The following GRID1 variants were observed in gnomAD, a reference collection of about 807,000 sequenced individuals.
GRID1 encodes glutamate receptor ionotropic, delta-1.
In GRID1, 28 loss-of-function variants were observed where a neutral mutation model predicts 98.0. The ratio of observed to expected loss-of-function variants is 0.29; its 90% CI spans 0.21 to 0.39. The LOEUF is 0.39. Ranked by LOEUF, GRID1 falls within the 10% of genes least tolerant of loss-of-function variation. GRID1 has a pLI of 1.00. For synonymous variants in GRID1, 553 were observed against 538.5 expected, an observed-to-expected ratio of 1.03 and a Z score of -0.37; for missense variants, 1,111 against 1,340.5, an observed-to-expected ratio of 0.83 and a Z score of 2.67.
chr10:85,751,692 T>G (rs556809021), intron 8 of GRID1, among the ~76,000 whole-genome samples: 1 of 152,278 alleles, frequency 6.6e-6, no homozygotes, highest in Non-Finnish European at 1.5e-5. Context: ...ACATTTAATA[T>G]TATACATGTG....
chr10:85,648,871 G>A (rs1843230177), intron 12 of GRID1, among the ~76,000 whole-genome samples: 1 of 152,196 alleles, frequency 6.6e-6, no homozygotes, highest in Non-Finnish European at 1.5e-5. Context: ...AGAGGGCCAT[G>A]TGCCAGAGCA....
rs763306487 is a variant in GRID1 at position 85,613,408 on chromosome 10, T to A, written c.2600A>T (p.Glu867Val). 2 of 1,611,796 alleles carry A rather than the reference T, an allele frequency of 1.2e-6. No homozygotes were observed. The highest frequency in any genetic ancestry group is 8.5e-7 in the Non-Finnish European group (1 of 1,179,164). The change falls in exon 15 of 16, where the codon GAG becomes GTG. Residue 867 changes from glutamate (E) to valine (V), a missense_variant and splice_region_variant. Physicochemically the swap from Glu to Val is moderately radical, Grantham distance 121 (BLOSUM62 -2). This residue lies in a region of GRID1 where 762 missense variants were observed against 869.1 expected (regional missense o/e 0.88). Coordinates refer to ENST00000327946, the MANE Select transcript of GRID1 (RefSeq NM_017551.3). ...GAGGGCAGGCCCCAGGGTGCTGACC[T>A]CCTTGGGGGTCTCCTGGTGGCACCG... ...SNRCHQETPKEDKEVNLEQVH... is the reference protein window; with the variant it reads ...SNRCHQETPKVDKEVNLEQVH...
At chr10:86,044,631 T>C (rs1202295233) in intron 4 of GRID1, among the ~76,000 whole-genome samples, 1 of 152,172 alleles carries the variant, frequency 6.6e-6, no homozygotes, top group Non-Finnish European at 1.5e-5. Flanking sequence ...ATCACAGAGG[T>C]GCCGTTACAG....
At chr10:85,725,546 G>A (rs1315945645) in intron 10 of GRID1, among the ~76,000 whole-genome samples, 1 of 152,192 alleles carries the variant, frequency 6.6e-6, no homozygotes, top group Non-Finnish European at 1.5e-5. Context: ...CCGGATGGGT[G>A]GATGCCAGGT....
At chr10:85,911,527 C>T (rs971535570) in intron 5 of GRID1, among the ~76,000 whole-genome samples, 4 of 152,220 alleles carry the variant, frequency 2.6e-5, no homozygotes, top group African/African-American at 9.6e-5. Context: ...TGCTGACCCA[C>T]AGATCACCTC....
chr10:85,965,483 G>T (rs1842324682), intron 4 of GRID1, among the ~76,000 whole-genome samples: 1 of 152,156 alleles, frequency 6.6e-6, no homozygotes, highest in East Asian at 1.9e-4. Context: ...CATGTCCTTT[G>T]CAGGGACATG....
At position 85,602,234 on chromosome 10, in the gene GRID1, G is replaced by A. The variant is rs564687413; in HGVS notation, c.*39C>T. 4.7e-5 allele frequency: 62 copies of A among 1,313,492 alleles called. No homozygotes were observed. The African/African-American group carries it at 7.0e-4, about 15-fold the overall frequency. The allele number at this position is 1,313,492 out of a possible 1,614,324, so 81.4% of individuals were successfully genotyped here. The stretch of plus-strand genomic sequence containing the variant: ...CTTGTATTAAAAAGCTCTGCTGGTC[G>A]GGTGGGTGGGAGGGTGGGCAGGAGG... On this transcript the variant is annotated 3_prime_UTR_variant, in exon 16 of 16. Transcript: ENST00000327946.
intron 4 of GRID1, among the ~76,000 whole-genome samples, chr10:86,029,070 A>G (rs1451360141): frequency 1.3e-5 from 2 of 152,150 alleles, no homozygotes; most frequent in South Asian, 2.1e-4. Flanking sequence ...GTGTACCTGC[A>G]GCTCCAGCCT....
chr10:86,176,334 G>A (rs942679272), intron 3 of GRID1, among the ~76,000 whole-genome samples: 2 of 152,232 alleles, frequency 1.3e-5, no homozygotes, highest in Non-Finnish European at 2.9e-5. Context: ...ATAGCACAAG[G>A]AGAGTGTATC....
At chr10:85,647,577 C>T in intron 12 of GRID1, 180 bp from the exon 13 acceptor site, 1 of 591,546 alleles carries the variant, frequency 1.7e-6, no homozygotes. Context: ...TGCAGCGCCT[C>T]ATTCAATTAC....
intron 4 of GRID1, among the ~76,000 whole-genome samples, chr10:86,119,827 G>T (rs373861144): frequency 3.3e-5 from 5 of 152,188 alleles, no homozygotes; most frequent in African/African-American, 9.6e-5. Context: ...GTCTCACTCT[G>T]TCGCCCAGGC....
At chr10:85,826,973 CTCAT>C (rs1008415777) in intron 8 of GRID1, among the ~76,000 whole-genome samples, 4 of 152,284 alleles carry the variant, frequency 2.6e-5, no homozygotes, top group Non-Finnish European at 2.9e-5. Flanking sequence ...AGCAAAAAAT[CTCAT>C]TCAAAGGACA....
chr10:86,014,739 G>T (rs1205061794), intron 4 of GRID1, among the ~76,000 whole-genome samples: 1 of 152,200 alleles, frequency 6.6e-6, no homozygotes, highest in Non-Finnish European at 1.5e-5. Context: ...AGACTTAAAA[G>T]GAGCAAGTTT....
intron 2 of GRID1, among the ~76,000 whole-genome samples, chr10:86,338,304 G>T (rs1196700216): frequency 3.9e-5 from 6 of 152,084 alleles, no homozygotes; most frequent in African/African-American, 7.2e-5. Context: ...CTTTCCCCTC[G>T]AGTGGAAAGG....
chr10:86,279,379 CA>C (rs951931763), intron 2 of GRID1, among the ~76,000 whole-genome samples: 66 of 152,120 alleles, frequency 4.3e-4, no homozygotes, highest in African/African-American at 1.6e-3. Flanking sequence ...AATTTAGATG[CA>C]AAAACTTTAG....
intron 8 of GRID1, among the ~76,000 whole-genome samples, chr10:85,816,804 G>A (rs560024188): frequency 2.0e-5 from 3 of 152,284 alleles, no homozygotes; most frequent in South Asian, 4.1e-4. Context: ...TCATCATCCA[G>A]GTAATAAGTA....
chr10:85,678,772 T>G (rs1841173510), intron 12 of GRID1, among the ~76,000 whole-genome samples: 1 of 152,074 alleles, frequency 6.6e-6, no homozygotes, highest in Admixed American at 6.5e-5. Flanking sequence ...CACCACCGCC[T>G]CTACAATCCT....
intron 4 of GRID1, among the ~76,000 whole-genome samples, chr10:85,976,702 C>T (rs920408693): frequency 6.6e-6 from 1 of 152,228 alleles, no homozygotes; most frequent in Non-Finnish European, 1.5e-5. Flanking sequence ...GTCCCTGCAG[C>T]AACCTGAGGA....
intron 3 of GRID1, among the ~76,000 whole-genome samples, chr10:86,150,578 C>G (rs1845150780): frequency 6.6e-6 from 1 of 152,218 alleles, no homozygotes; most frequent in Non-Finnish European, 1.5e-5. Flanking sequence ...ATGCCACAGC[C>G]AGATGACATC....
Sources: allele counts gnomAD v4.1 joint callset (sites outside exome capture counted in the v4.1 genomes callset), GRCh38; gene constraint gnomAD v4.1.1; regional missense constraint gnomAD v4.1.1; transcripts MANE v1.5; gene names NCBI Gene and HGNC (gene_info 2026-07-23, HGNC 2026-07-21).